The following MAP6D1 variants were observed in gnomAD, a reference collection of about 807,000 sequenced individuals.
The protein encoded by MAP6D1 is MAP6 domain-containing protein 1.
Under a neutral mutation model 17.4 loss-of-function variants are expected in MAP6D1, and 13 were observed. The observed-to-expected ratio is 0.75, with a 90% CI of 0.49 to 1.19. The LOEUF (loss-of-function observed/expected upper bound fraction) is 1.19. MAP6D1 is among the 50% of genes most tolerant of loss of function. The pLI is 0.00. For missense variants in MAP6D1, 313 were observed against 312.6 expected (o/e 1.00, Z -0.01); for synonymous variants, 141 against 145.7 (o/e 0.97, Z 0.23).
intron 1 of MAP6D1, among the ~76,000 whole-genome samples, chr3:183,821,853 G>A (rs188566629): frequency 2.1e-3 from 320 of 151,928 alleles, no homozygotes; most frequent in African/African-American, 7.6e-3. Flanking sequence ...TAGTAGAGAC[G>A]GGGTTTCACC....
chr3:183,821,120 G>T (rs1298609886), intron 1 of MAP6D1, among the ~76,000 whole-genome samples: 7 of 151,250 alleles, frequency 4.6e-5, no homozygotes, highest in African/African-American at 1.7e-4. Context: ...AAAAAAGAGA[G>T]GCTGACCCAC....
At position 183,825,297 on chromosome 3, in the gene MAP6D1, TC is replaced by T. The variant is rs1382490769; in HGVS notation, c.250del (p.Asp84IlefsTer46). 7.5e-7 allele frequency: 1 copy of T among 1,336,928 alleles called. No homozygotes were observed. Among genetic ancestry groups the T allele is most frequent in the East Asian group, 3.1e-5 (1 of 31,892 alleles). 82.8% of individuals were successfully genotyped at this position (1,336,928 alleles called of 1,614,324 possible). A position where few individuals can be genotyped will look rare whatever the true frequency, so the allele number is the denominator to read the frequency against. ...CCCCGGTCCGCGCCCCGGCGGCGGA[TC>T]CTTGGGCCCGGCGGGCGTGGTCCAC... ...GLWTTPAGPKDPPPGRGPGAG... is the reference protein window; with the variant it reads ...GLWTTPAGPKXPPPGRGPGAG... On this transcript the variant is annotated frameshift_variant, in exon 1 of 3. Transcript: ENST00000318631. LOFTEE classifies it high-confidence loss of function.
At chr3:183,823,086 G>A (rs902006987) in intron 1 of MAP6D1, among the ~76,000 whole-genome samples, 5 of 152,280 alleles carry the variant, frequency 3.3e-5, no homozygotes, top group Admixed American at 2.6e-4. Flanking sequence ...CCTCGACCTC[G>A]CAGGCTTGAG....
At chr3:183,819,536 G>C (rs1727197572) in intron 1 of MAP6D1, among the ~76,000 whole-genome samples, 1 of 152,216 alleles carries the variant, frequency 6.6e-6, no homozygotes, top group African/African-American at 2.4e-5. Flanking sequence ...CCCGGGGCTG[G>C]AGCCCAGATG....
chr3:183,817,179 A>G lies in MAP6D1; in HGVS notation c.*177T>C. 1.6e-6 allele frequency: 1 copy of G among 613,010 alleles called. No homozygotes were observed. Among genetic ancestry groups the G allele is most frequent in the Middle Eastern group, 4.4e-4 (1 of 2,270 alleles). The allele number at this position is 613,010 out of a possible 1,614,324, so 38.0% of individuals were successfully genotyped here. A position where few individuals can be genotyped will look rare whatever the true frequency, so the allele number is the denominator to read the frequency against. On this transcript the variant is annotated 3_prime_UTR_variant, in exon 3 of 3. Transcript: ENST00000318631. ...TGCTTGAGGCTGAGCTGGGTGTGCCAAGTCCATCGGTGCATCTGCTCCACA... is the reference window on the plus strand; with the variant it reads ...TGCTTGAGGCTGAGCTGGGTGTGCCGAGTCCATCGGTGCATCTGCTCCACA...
chr3:183,820,276 T>C (rs937132683), intron 1 of MAP6D1: 1 of 152,226 alleles, frequency 6.6e-6, no homozygotes, highest in African/African-American at 2.4e-5. Flanking sequence ...ATGATGTACA[T>C]CTTACAAGAC....
In MAP6D1 at chr3:183,816,012, T is replaced by TCAAA. The variant is rs2108560470; in HGVS notation, c.*1340_*1343dup. ...GGCAGCCTCTTTTCTCTTAGAAAAA[T>TCAAA]CAAACATGCAAGCCGTGAAGTCAGG... On this transcript the variant is annotated 3_prime_UTR_variant, in exon 3 of 3. Coordinates refer to ENST00000318631, the MANE Select transcript of MAP6D1 (RefSeq NM_024871.4). 6.6e-6 allele frequency: 1 copy of TCAAA among 152,274 alleles called. No homozygotes were observed. The highest frequency in any genetic ancestry group is 2.1e-4 in the South Asian group (1 of 4,824). The allele number at this position is 152,274 out of a possible 1,614,324, so 9.4% of individuals were successfully genotyped here. A position where few individuals can be genotyped will look rare whatever the true frequency, so the allele number is the denominator to read the frequency against.
At chr3:183,820,993 G>T (rs1359207961) in intron 1 of MAP6D1, among the ~76,000 whole-genome samples, 1 of 151,946 alleles carries the variant, frequency 6.6e-6, no homozygotes, top group Non-Finnish European at 1.5e-5. Context: ...TACTCTGGAG[G>T]CTGAGGCAGG....
Position 183,825,433 on chromosome 3 carries a change from C to G in MAP6D1, c.115G>C (p.Glu39Gln), listed in dbSNP as rs1230037795. The change falls in exon 1 of 3, where the codon GAG (glutamate) becomes CAG (glutamine). Residue 39 changes from glutamate (E) to glutamine (Q), a missense_variant. By Grantham distance (29) the Glu-to-Gln change is conservative. Transcript: ENST00000318631. ...TLHGYSDLDS[E>Q]EPGTGGAASR... is the part of the protein sequence containing the mutation. ...GCGGCGCCGCCCGTGCCCGGCTCCT[C>G]GCTGTCGAGGTCCGAGTAGCCGTGC... 3 of 1,440,478 alleles carry G rather than the reference C, an allele frequency of 2.1e-6. No individual in the cohort carries two copies. In the Admixed American group the frequency reaches 8.3e-5, roughly 40 times the overall value. 89.2% of individuals were successfully genotyped at this position (1,440,478 alleles called of 1,614,324 possible). A position where few individuals can be genotyped will look rare whatever the true frequency, so the allele number is the denominator to read the frequency against.
intron 1 of MAP6D1, among the ~76,000 whole-genome samples, chr3:183,823,461 C>T (rs1421126127): frequency 1.3e-5 from 2 of 152,052 alleles, no homozygotes; most frequent in South Asian, 2.1e-4. Context: ...ATTAGCTGGG[C>T]GTGATGGCAC....
At chr3:183,818,437 CAGTT>C (rs1727170888) in intron 1 of MAP6D1, among the ~76,000 whole-genome samples, 1 of 152,192 alleles carries the variant, frequency 6.6e-6, no homozygotes, top group African/African-American at 2.4e-5. Context: ...GGGCAGAGCT[CAGTT>C]AGCACCTGGG....
intron 1 of MAP6D1, chr3:183,820,318 C>T (rs1416505642): frequency 6.6e-6 from 1 of 152,298 alleles, no homozygotes; most frequent in African/African-American, 2.4e-5. Context: ...TATCAGGTCC[C>T]AGAGCTGGAA....
In MAP6D1 at chr3:183,823,401, A is replaced by T. The variant is rs1054146817; in HGVS notation, c.401+1746T>A. Among the ~76,000 whole-genome samples the T allele has an allele frequency of 2.6e-4, 39 of 152,016 alleles. 1 individual carries two copies. In the Middle Eastern group the frequency reaches 0.014, roughly 53 times the overall value. On this transcript the variant is annotated intron_variant, in intron 1 of 2. Coordinates refer to ENST00000318631, the MANE Select transcript of MAP6D1 (RefSeq NM_024871.4). ...CGGATCATGAGGTCAGGAGTTCAAG[A>T]CCTGCCTGACCAACATGGTGAAACC...
chr3:183,824,133 G>A (rs1414397658), intron 1 of MAP6D1, among the ~76,000 whole-genome samples: 1 of 152,216 alleles, frequency 6.6e-6, no homozygotes, highest in African/African-American at 2.4e-5. Context: ...CAAGGGGTTT[G>A]TTGTACAATG....
In MAP6D1 at chr3:183,816,403, A is replaced by T. The variant is rs1727103890; in HGVS notation, c.*953T>A. ...CAAACGTGTGAAGGCACCAGGCGTGACCCATGTGGCCATGCTGGCTGGAAT... is the reference window on the plus strand; with the variant it reads ...CAAACGTGTGAAGGCACCAGGCGTGTCCCATGTGGCCATGCTGGCTGGAAT... On this transcript the variant is annotated 3_prime_UTR_variant, in exon 3 of 3. Transcript: ENST00000318631. 6.6e-6 allele frequency: 1 copy of T among 152,268 alleles called. No homozygotes were observed. The highest frequency in any genetic ancestry group is 1.5e-5 in the Non-Finnish European group (1 of 68,068). The allele number at this position is 152,268 out of a possible 1,614,324, so 9.4% of individuals were successfully genotyped here.
Position 183,817,361 on chromosome 3 carries a change from C to A in MAP6D1, c.595G>T (p.Val199Leu). ...FQASAPRILN[V>L] Reference sequence around the variant, plus strand: ...TGGTGTCACGGTGCAGGCAGTCACACGTTGAGAATCCGGGGAGCTGAGGCC... The same window carrying A: ...TGGTGTCACGGTGCAGGCAGTCACAAGTTGAGAATCCGGGGAGCTGAGGCC... Residue 199 changes from valine to leucine, a missense_variant, in exon 3 of 3, where the codon GTG becomes TTG. Val to Leu is a conservative substitution (Grantham distance 32). Transcript: ENST00000318631. 6.4e-7 allele frequency: 1 copy of A among 1,566,274 alleles called. No individual in the cohort carries two copies. The highest frequency in any genetic ancestry group is 8.7e-7 in the Non-Finnish European group (1 of 1,155,574).
Position 183,816,472 on chromosome 3 carries a change from G to A in MAP6D1, c.*884C>T. 1 of 152,420 alleles carries A rather than the reference G, an allele frequency of 6.6e-6. No homozygotes were observed. Among genetic ancestry groups the A allele is most frequent in the Non-Finnish European group, 1.5e-5 (1 of 68,116 alleles). The allele number at this position is 152,420 out of a possible 1,614,324, so 9.4% of individuals were successfully genotyped here. A position where few individuals can be genotyped will look rare whatever the true frequency, so the allele number is the denominator to read the frequency against. On this transcript the variant is annotated 3_prime_UTR_variant, in exon 3 of 3. Transcript: ENST00000318631. ...GAGAGCTTTGCAAAGAAAATGAACT[G>A]CCTCTTCAAAAGGTGGTGAGTTCCC...
chr3:183,822,748 G>A (rs1305386082), intron 1 of MAP6D1, among the ~76,000 whole-genome samples: 1 of 152,226 alleles, frequency 6.6e-6, no homozygotes, highest in East Asian at 1.9e-4. Flanking sequence ...GCAGCGCTCA[G>A]GCCCTAGACT....
At chr3:183,822,510 C>A (rs1177400283) in intron 1 of MAP6D1, among the ~76,000 whole-genome samples, 1 of 152,200 alleles carries the variant, frequency 6.6e-6, no homozygotes, top group Non-Finnish European at 1.5e-5. Flanking sequence ...CCATACAATT[C>A]ATCCATTAAA....
Sources: allele counts gnomAD v4.1 joint callset (sites outside exome capture counted in the v4.1 genomes callset), GRCh38; gene constraint gnomAD v4.1.1; transcripts MANE v1.5; gene names NCBI Gene and HGNC (gene_info 2026-07-23, HGNC 2026-07-21).